The following STYXL1 variants were observed in gnomAD, a reference collection of about 807,000 sequenced individuals.
The protein encoded by STYXL1 is serine/threonine/tyrosine interacting like 1.
Under a neutral mutation model 36.4 loss-of-function variants are expected in STYXL1, and 32 were observed. The observed-to-expected ratio is 0.88, with a 90% CI of 0.66 to 1.18. The LOEUF (loss-of-function observed/expected upper bound fraction) is 1.18, where lower values mean the gene tolerates loss of function less well. Ranked by LOEUF, STYXL1 falls within the 50% of genes most tolerant of loss-of-function variation. STYXL1 has a pLI of 0.00. For missense variants in STYXL1, 354 were observed against 394.1 expected (o/e 0.90, Z 0.86); for synonymous variants, 133 against 144.1 (o/e 0.92, Z 0.55).
chr7:76,005,951 T>A (rs34823136), intron 5 of STYXL1, among the ~76,000 whole-genome samples: 16,408 of 149,202 alleles, frequency 0.11, 1,733 homozygotes, highest in African/African-American at 0.27. Flanking sequence ...GAGAGGAGGT[T>A]TCATCATGTT....
intron 4 of STYXL1, among the ~76,000 whole-genome samples, chr7:76,014,660 C>T (rs1415654777): frequency 6.6e-6 from 1 of 151,956 alleles, no homozygotes; most frequent in Non-Finnish European, 1.5e-5. Context: ...ATCTTCTTTT[C>T]TGCAAACTCT....
At chr7:76,026,240 CAG>C (rs1343725841) in intron 3 of STYXL1, among the ~76,000 whole-genome samples, 5 of 105,298 alleles carry the variant, frequency 4.7e-5, no homozygotes, top group Non-Finnish European at 9.6e-5. Flanking sequence ...GCAGCAGAGA[CAG>C]GGTGTGGAAA....
chr7:76,040,779 T>C (rs2116485413), intron 1 of STYXL1, among the ~76,000 whole-genome samples: 1 of 147,060 alleles, frequency 6.8e-6, no homozygotes, highest in Non-Finnish European at 1.5e-5. Context: ...GAGGTTGCAG[T>C]GAGCTGAAAT....
intron 3 of STYXL1, 75 bp from the exon 4 acceptor site, chr7:76,022,067 T>C: frequency 6.4e-7 from 1 of 1,562,134 alleles, no homozygotes; most frequent in Non-Finnish European, 8.6e-7. Flanking sequence ...ACTCCCTGCA[T>C]AGCAGCACTG....
In STYXL1 at chr7:76,026,192, C is replaced by CAAAAAAA. The variant is rs1159067824; in HGVS notation, c.165+2443_165+2449dup. ...GGAGGACAGAGCAAGACTCTGTCTC[C>CAAAAAAA]AAAAAAAAAAAAAAAAAAAAAAAAA... is the stretch of plus-strand genomic sequence containing the variant. On this transcript the variant is annotated intron_variant, in intron 3 of 8. Transcript: ENST00000359697. Among the ~76,000 whole-genome samples the CAAAAAAA allele has an allele frequency of 3.0e-3, 56 of 18,624 alleles. 16 individuals are homozygous for CAAAAAAA. Among genetic ancestry groups the CAAAAAAA allele is most frequent in the Non-Finnish European group, 4.2e-3 (48 of 11,488 alleles). The allele number at this position is 18,624 out of a possible 152,430, so 12.2% of individuals were successfully genotyped here. A position where few individuals can be genotyped will look rare whatever the true frequency, so the allele number is the denominator to read the frequency against.
At chr7:76,013,151 C>G (rs1465639981) in intron 5 of STYXL1, among the ~76,000 whole-genome samples, 5 of 151,914 alleles carry the variant, frequency 3.3e-5, no homozygotes, top group African/African-American at 1.2e-4. Flanking sequence ...AGGGTGAAAC[C>G]CTGTCTCTAC....
intron 3 of STYXL1, among the ~76,000 whole-genome samples, chr7:76,026,243 G>C (rs1554577690): frequency 7.6e-6 from 1 of 131,478 alleles, no homozygotes; most frequent in Non-Finnish European, 1.6e-5. Flanking sequence ...GCAGAGACAG[G>C]GTGTGGAAAA....
chr7:76,013,995 C>T (rs7798794), intron 4 of STYXL1, 108 bp from the exon 5 acceptor site: 1,290,491 of 1,294,106 alleles, frequency 1, 643,515 homozygotes, highest in East Asian at 1. Context: ...TATTTATTTT[C>T]TGAGACAGAG....
chr7:75,997,993 A>T (rs1259555765), intron 8 of STYXL1, among the ~76,000 whole-genome samples: 2 of 152,340 alleles, frequency 1.3e-5, no homozygotes, highest in Middle Eastern at 3.4e-3. Context: ...GGAAAGCTTA[A>T]TATTATTAAG....
chr7:76,021,280 A>T (rs1433912530), intron 4 of STYXL1, among the ~76,000 whole-genome samples: 6 of 151,834 alleles, frequency 4.0e-5, no homozygotes, highest in African/African-American at 1.2e-4. Context: ...ACGGAGTTTC[A>T]CCGTGTTAGC....
chr7:76,007,319 G>A (rs782804835), intron 5 of STYXL1, among the ~76,000 whole-genome samples: 1 of 152,032 alleles, frequency 6.6e-6, no homozygotes, highest in Non-Finnish European at 1.5e-5. Flanking sequence ...CCAGCTACTC[G>A]GGAGGCTGAG....
intron 3 of STYXL1, among the ~76,000 whole-genome samples, chr7:76,025,463 G>A (rs782287003): frequency 1.3e-5 from 2 of 152,098 alleles, no homozygotes; most frequent in South Asian, 4.1e-4. Context: ...GCTCTGAATC[G>A]GTTGCAGCAA....
intron 4 of STYXL1, among the ~76,000 whole-genome samples, chr7:76,014,650 ATCT>A (rs1168317934): frequency 3.3e-5 from 5 of 151,846 alleles, no homozygotes; most frequent in African/African-American, 9.7e-5. Context: ...GCCTAAGTTA[ATCT>A]TCTTTTCTGC....
In STYXL1 at chr7:76,021,957, G is replaced by A; in HGVS notation, c.201C>T (p.Asp67=). The change falls in exon 4 of 9, where the codon GAC becomes GAT. Residue 67 remains aspartate, a synonymous_variant. Transcript: ENST00000359697. ...NNEYLLPESV[D]LECVKYCVVY... is the part of the protein sequence containing the mutation. ...CCACGCAGTACTTCACACACTCCAG[G>A]TCCACAGACTCCGGGAGAAGATATT... 3 of 1,612,560 alleles carry A rather than the reference G, an allele frequency of 1.9e-6. No individual in the cohort carries two copies. The highest frequency in any genetic ancestry group is 1.7e-6 in the Non-Finnish European group (2 of 1,179,926).
intron 1 of STYXL1, chr7:76,045,015 C>T (rs1183808365): frequency 2.0e-5 from 3 of 152,206 alleles, no homozygotes; most frequent in African/African-American, 7.2e-5. Context: ...ATATGGACAA[C>T]TCAGCATAAC....
chr7:76,028,112 A>G (rs1469774486), intron 3 of STYXL1, among the ~76,000 whole-genome samples: 2 of 152,098 alleles, frequency 1.3e-5, no homozygotes, highest in African/African-American at 2.4e-5. Flanking sequence ...TCAGCTCACT[A>G]CAAACTCCGC....
chr7:76,033,612 A>G (rs1402014458), intron 1 of STYXL1, among the ~76,000 whole-genome samples: 1 of 152,112 alleles, frequency 6.6e-6, no homozygotes, highest in Non-Finnish European at 1.5e-5. Flanking sequence ...CAGCACCTCA[A>G]CTTAAACCTC....
intron 3 of STYXL1, among the ~76,000 whole-genome samples, chr7:76,022,347 T>C (rs7788763): frequency 0.54 from 81,603 of 151,824 alleles, 24,554 homozygotes; most frequent in Non-Finnish European, 0.7. Context: ...GGGAGAGTGT[T>C]TGGCAGTGGA....
intron 4 of STYXL1, among the ~76,000 whole-genome samples, chr7:76,016,829 T>C (rs564781185): frequency 6.6e-6 from 1 of 152,144 alleles, no homozygotes; most frequent in African/African-American, 2.4e-5. Flanking sequence ...GAGTTTGAGA[T>C]TTGTCAAGGA....
Sources: gnomAD v4.1 joint callset for allele counts (sites outside exome capture counted in the v4.1 genomes callset) on GRCh38, gnomAD v4.1.1 for gene constraint, MANE v1.5 for transcripts, NCBI Gene and HGNC (gene_info 2026-07-23, HGNC 2026-07-21) for gene names.